FSBP: variants seen among roughly 807,000 people sequenced by gnomAD.
FSBP encodes fibrinogen silencer binding protein, also known as fibrinogen silencer-binding protein.
A neutral mutation model predicts 24.6 loss-of-function variants in FSBP; 18 were observed. The ratio of observed to expected loss-of-function variants is 0.73; its 90% CI spans 0.51 to 1.08. The LOEUF (loss-of-function observed/expected upper bound fraction) is 1.08, where lower values mean the gene tolerates loss of function less well. FSBP is among the 50% of genes least tolerant of loss of function. The pLI, the probability that FSBP is intolerant of heterozygous loss-of-function variation, is 0.00. For missense variants in FSBP, 305 were observed against 347.6 expected, an observed-to-expected ratio of 0.88 and a Z score of 0.98; for synonymous variants, 110 against 125.8, an observed-to-expected ratio of 0.87 and a Z score of 0.84.
chr8:94,432,972 A>C (rs1326424524), intron 1 of FSBP, among the ~76,000 whole-genome samples: 1 of 152,114 alleles, frequency 6.6e-6, no homozygotes, highest in Middle Eastern at 3.2e-3. Context: ...AACAGACACC[A>C]ATCTTTCCCA....
rs1407988476 is a variant in FSBP at position 94,432,351 on chromosome 8, G to A, written c.680C>T (p.Ser227Leu). The change falls in exon 2 of 2, where the codon TCA (serine) becomes TTA (leucine). Residue 227 changes from serine to leucine, a missense_variant. Physicochemically the swap from Ser to Leu is moderately radical, Grantham distance 145 (BLOSUM62 -2). Transcript: ENST00000481490. ...GATCTGAGGATCATACCCTAATAGTGACCTAAAGTGTTCACCACTCTCATG... is the reference window on the plus strand; with the variant it reads ...GATCTGAGGATCATACCCTAATAGTAACCTAAAGTGTTCACCACTCTCATG... ...FRHESGEHFR[S>L]LLGYDPQILQ... 6 of 1,550,214 alleles carry A rather than the reference G, an allele frequency of 3.9e-6. 1 individual carries two copies. Among genetic ancestry groups the A allele is most frequent in the South Asian group, 2.4e-5 (2 of 84,028 alleles).
chr8:94,429,076 T>TG lies in FSBP; in HGVS notation c.*3054dup. 1.0e-6 allele frequency: 1 copy of TG among 985,326 alleles called. No individual in the cohort carries two copies. Among genetic ancestry groups the TG allele is most frequent in the South Asian group, 4.7e-5 (1 of 21,288 alleles). The allele number at this position is 985,326 out of a possible 1,614,324, so 61.0% of individuals were successfully genotyped here. A position where few individuals can be genotyped will look rare whatever the true frequency, so the allele number is the denominator to read the frequency against. ...AAATTAAAAGTAAACAAGACTGACT[T>TG]GGAGAAAAACAAGATTGACTTGGAA... On this transcript the variant is annotated 3_prime_UTR_variant, in exon 2 of 2. Transcript: ENST00000481490.
At chr8:94,436,457 C>G in intron 1 of FSBP, 38 bp downstream of exon 1, 2 of 1,489,824 alleles carry the variant, frequency 1.3e-6, no homozygotes, top group Non-Finnish European at 1.8e-6. Context: ...AGATAGGAGG[C>G]GCCATAATTT....
chr8:94,428,746 A>T lies in FSBP; in HGVS notation c.*3385T>A, dbSNP rs79632619. ...GAAAGCCAAGTGTACATTCCATTGT[A>T]CTAGCAAACTTTCCCCTATATATTC... On this transcript the variant is annotated 3_prime_UTR_variant, in exon 2 of 2. Transcript: ENST00000481490. The T allele has an allele frequency of 3.1e-3, 3,075 of 984,552 alleles. 65 individuals carry two copies. In the African/African-American group the frequency reaches 0.05, roughly 16 times the overall value. 61.0% of individuals were successfully genotyped at this position (984,552 alleles called of 1,614,324 possible).
rs898700193 is a variant in FSBP, at chr8:94,430,709, T to C, written c.*1422A>G. ...CTCACATGTTGTCTGTATAATGTTT[T>C]AAAAGCATTTTGTGTTATTTGCAAA... On this transcript the variant is annotated 3_prime_UTR_variant, in exon 2 of 2. Coordinates refer to ENST00000481490, the MANE Select transcript of FSBP (RefSeq NM_001256141.2). 2.2e-6 allele frequency: 2 copies of C among 928,994 alleles called. No individual in the cohort carries two copies. Among genetic ancestry groups the C allele is most frequent in the African/African-American group, 3.6e-5 (2 of 55,962 alleles). 57.5% of individuals were successfully genotyped at this position (928,994 alleles called of 1,614,324 possible).
rs1383659190 is a variant in FSBP at position 94,432,484 on chromosome 8, C to A, written c.547G>T (p.Glu183Ter). ...SDTLEQREEH[E>*]LVHVMERSLS... Reference sequence around the variant, plus strand: ...GATCTTTCCATAACATGTACTAATTCATGTTCTTCTCTTTGCTCTAAAGTA... The same window carrying A: ...GATCTTTCCATAACATGTACTAATTAATGTTCTTCTCTTTGCTCTAAAGTA... The change falls in exon 2 of 2, where the codon GAA becomes TAA. Residue 183 changes from glutamate (E) to a stop codon, truncating the protein, a stop_gained. Coordinates refer to ENST00000481490, the MANE Select transcript of FSBP (RefSeq NM_001256141.2). LOFTEE classifies it high-confidence loss of function. The A allele has an allele frequency of 1.5e-5, 24 of 1,550,534 alleles. No homozygotes were observed. Among genetic ancestry groups the A allele is most frequent in the Non-Finnish European group, 1.9e-5 (22 of 1,146,870 alleles).
At position 94,427,807 on chromosome 8, in the gene FSBP, ACT is replaced by A. The variant is rs1049250150; in HGVS notation, c.*4322_*4323del. ...GTATATATTAAACACAATTTATTAC[ACT>A]CTAAGTTATTTAAACATGTGTATTT... On this transcript the variant is annotated 3_prime_UTR_variant, in exon 2 of 2. Transcript: ENST00000481490. 2 of 958,932 alleles carry A rather than the reference ACT, an allele frequency of 2.1e-6. No individual in the cohort carries two copies. Among genetic ancestry groups the A allele is most frequent in the African/African-American group, 1.8e-5 (1 of 56,700 alleles). 59.4% of individuals were successfully genotyped at this position (958,932 alleles called of 1,614,324 possible).
At position 94,428,194 on chromosome 8, in the gene FSBP, G is replaced by C; in HGVS notation, c.*3937C>G. On this transcript the variant is annotated 3_prime_UTR_variant, in exon 2 of 2. Coordinates refer to ENST00000481490, the MANE Select transcript of FSBP (RefSeq NM_001256141.2). ...TTGGATGAAATAATCTATATACTTAGTATATTTATCAAATGTAGTATATTT... is the reference window on the plus strand; with the variant it reads ...TTGGATGAAATAATCTATATACTTACTATATTTATCAAATGTAGTATATTT... The C allele has an allele frequency of 9.5e-6, 8 of 844,664 alleles. No individual in the cohort carries two copies. Among genetic ancestry groups the C allele is most frequent in the Non-Finnish European group, 1.1e-5 (8 of 701,940 alleles). 52.3% of individuals were successfully genotyped at this position (844,664 alleles called of 1,614,324 possible).
At position 94,429,012 on chromosome 8, in the gene FSBP, G is replaced by A; in HGVS notation, c.*3119C>T. On this transcript the variant is annotated 3_prime_UTR_variant, in exon 2 of 2. Transcript: ENST00000481490. ...GTTAATCATGGTTATACAAGGGGAG[G>A]TAGACAATGAGGAGAATTATATGCA... 1.0e-6 allele frequency: 1 copy of A among 982,956 alleles called. No homozygotes were observed. Among genetic ancestry groups the A allele is most frequent in the East Asian group, 1.1e-4 (1 of 8,804 alleles). The allele number at this position is 982,956 out of a possible 1,614,324, so 60.9% of individuals were successfully genotyped here.
In FSBP at chr8:94,428,608, T is replaced by C. The variant is rs1812002608; in HGVS notation, c.*3523A>G. 1.8e-6 allele frequency: 1 copy of C among 545,328 alleles called. No homozygotes were observed. The highest frequency in any genetic ancestry group is 2.3e-6 in the Non-Finnish European group (1 of 428,192). 33.8% of individuals were successfully genotyped at this position (545,328 alleles called of 1,614,324 possible). On this transcript the variant is annotated 3_prime_UTR_variant, in exon 2 of 2. Transcript: ENST00000481490. ...ATTAGCCCAACTCCTACCTCAGTTA[T>C]ACCGTCTTTTTAAATTTCGTATTAC...
intron 1 of FSBP, among the ~76,000 whole-genome samples, chr8:94,435,710 A>G (rs545398862): frequency 6.8e-6 from 1 of 147,500 alleles, no homozygotes; most frequent in South Asian, 2.1e-4. Flanking sequence ...TTCTAACTCT[A>G]AAAAAACCCA....
chr8:94,433,438 G>A (rs867815165), intron 1 of FSBP, among the ~76,000 whole-genome samples: 42 of 151,892 alleles, frequency 2.8e-4, no homozygotes, highest in African/African-American at 9.9e-4. Context: ...TGTGTTGAAT[G>A]ACTGAAAAAA....
chr8:94,428,703 A>C lies in FSBP; in HGVS notation c.*3428T>G, dbSNP rs757354607. 3.3e-6 allele frequency: 3 copies of C among 912,102 alleles called. No individual in the cohort carries two copies. Among genetic ancestry groups the C allele is most frequent in the Non-Finnish European group, 3.9e-6 (3 of 763,172 alleles). The allele number at this position is 912,102 out of a possible 1,614,324, so 56.5% of individuals were successfully genotyped here. On this transcript the variant is annotated 3_prime_UTR_variant, in exon 2 of 2. Coordinates refer to ENST00000481490, the MANE Select transcript of FSBP (RefSeq NM_001256141.2). ...CAATCCACAGTAGTTCAATCTGCAG[A>C]TGTGAAACCTGCAGATAGAAAGCCA...
rs746676909 is a variant in FSBP, at chr8:94,436,641, T to G, written c.228A>C (p.Lys76Asn). The G allele has an allele frequency of 6.4e-7, 1 of 1,550,576 alleles. No individual in the cohort carries two copies. The highest frequency in any genetic ancestry group is 1.2e-5 in the South Asian group (1 of 84,058). Residue 76 changes from lysine to asparagine, a missense_variant, in exon 1 of 2, where the codon AAA (lysine) becomes AAC (asparagine). Coordinates refer to ENST00000481490, the MANE Select transcript of FSBP (RefSeq NM_001256141.2). ...GCAATAGCTCCTGTTTGGCATATTCTTTGAGCCTTTTATAAAGGGTGCGTA... is the reference window on the plus strand; with the variant it reads ...GCAATAGCTCCTGTTTGGCATATTCGTTGAGCCTTTTATAAAGGGTGCGTA... The part of the protein sequence containing the change: ...QGLRTLYKRL[K>N]EYAKQELLQQ...
rs1359638316 is a variant in FSBP, at chr8:94,429,010, A to C, written c.*3121T>G. On this transcript the variant is annotated 3_prime_UTR_variant, in exon 2 of 2. Coordinates refer to ENST00000481490, the MANE Select transcript of FSBP (RefSeq NM_001256141.2). ...ATGTTAATCATGGTTATACAAGGGG[A>C]GGTAGACAATGAGGAGAATTATATG... 5 of 982,818 alleles carry C rather than the reference A, an allele frequency of 5.1e-6. No homozygotes were observed. The highest frequency in any genetic ancestry group is 6.0e-6 in the Non-Finnish European group (5 of 827,570). The allele number at this position is 982,818 out of a possible 1,614,324, so 60.9% of individuals were successfully genotyped here.
Position 94,433,702 on chromosome 8 carries a change from G to GT in FSBP, c.375-1047dup, listed in dbSNP as rs3136427. Among the ~76,000 whole-genome samples, 340 of 151,170 alleles carry GT rather than the reference G, an allele frequency of 2.2e-3. 1 individual carries two copies. The Middle Eastern group carries it at 0.034, about 15-fold the overall frequency. On this transcript the variant is annotated intron_variant, in intron 1 of 1. Transcript: ENST00000481490. ...TTAAGAATATCTGCTCCTTGAGGTT[G>GT]TTTTTTTTAATTTATGCTTCTGCCT...
chr8:94,434,334 CAATATAA>C (rs1194312748), intron 1 of FSBP, among the ~76,000 whole-genome samples: 4 of 150,946 alleles, frequency 2.6e-5, no homozygotes, highest in Non-Finnish European at 5.9e-5. Flanking sequence ...TAAGGCATAA[CAATATAA>C]AAAGGGAGAA....
In FSBP at chr8:94,428,167, T is replaced by C. The variant is rs1224251005; in HGVS notation, c.*3964A>G. 2 of 831,924 alleles carry C rather than the reference T, an allele frequency of 2.4e-6. No individual in the cohort carries two copies. The highest frequency in any genetic ancestry group is 2.5e-4 in the East Asian group (2 of 8,074). 51.5% of individuals were successfully genotyped at this position (831,924 alleles called of 1,614,324 possible). ...CTATCCACTATCTAAATTACTAATA[T>C]ATTGGATGAAATAATCTATATACTT... On this transcript the variant is annotated 3_prime_UTR_variant, in exon 2 of 2. Coordinates refer to ENST00000481490, the MANE Select transcript of FSBP (RefSeq NM_001256141.2).
Position 94,431,469 on chromosome 8 carries a change from T to G in FSBP, c.*662A>C. 1 of 982,386 alleles carries G rather than the reference T, an allele frequency of 1.0e-6. No individual in the cohort carries two copies. The highest frequency in any genetic ancestry group is 1.2e-6 in the Non-Finnish European group (1 of 827,202). 60.9% of individuals were successfully genotyped at this position (982,386 alleles called of 1,614,324 possible). ...TCTAATATTTAAATCTAGAGAATGT[T>G]TTAGTGGATATTTACTTCTATCGAA... On this transcript the variant is annotated 3_prime_UTR_variant, in exon 2 of 2. Transcript: ENST00000481490.
Sources: gnomAD v4.1 joint callset for allele counts (sites outside exome capture counted in the v4.1 genomes callset) on GRCh38, gnomAD v4.1.1 for gene constraint, MANE v1.5 for transcripts, NCBI Gene and HGNC (gene_info 2026-07-23, HGNC 2026-07-21) for gene names.